Variants in GSDMC observed in about 807,000 individuals in gnomAD.
GSDMC encodes the protein gasdermin-C.
A neutral mutation model predicts 58.0 loss-of-function variants in GSDMC; 59 were observed. The ratio of observed to expected loss-of-function variants is 1.02; its 90% CI spans 0.82 to 1.26. GSDMC has a LOEUF of 1.26. GSDMC is among the 50% of genes most tolerant of loss of function. The pLI is 0.00. For synonymous variants in GSDMC, 241 were observed against 220.2 expected (o/e 1.09, Z -0.83); for missense variants, 659 against 598.5 (o/e 1.10, Z -1.06).
chr8:129,728,701 C>A, the GSDMC span: 1 of 396,584 alleles, frequency 2.5e-6, no homozygotes, highest in Non-Finnish European at 4.8e-6. Flanking sequence ...TGCACCAGCT[C>A]TTACCTATAA....
chr8:129,774,736 C>G (rs1268519182), intron 3 of GSDMC, among the ~76,000 whole-genome samples: 1 of 151,836 alleles, frequency 6.6e-6, no homozygotes, highest in Non-Finnish European at 1.5e-5. Flanking sequence ...AAAACAAAAA[C>G]AAAAATCTTG....
At chr8:129,756,796 C>A (rs1270663543) in intron 6 of GSDMC, among the ~76,000 whole-genome samples, 2 of 151,996 alleles carry the variant, frequency 1.3e-5, no homozygotes, top group African/African-American at 2.4e-5. Flanking sequence ...ACAATATGCT[C>A]CTGAATGACC....
At chr8:129,710,154 G>C in the GSDMC span, among the ~76,000 whole-genome samples, 1 of 152,166 alleles carries the variant, frequency 6.6e-6, no homozygotes, top group Non-Finnish European at 1.5e-5. Flanking sequence ...AATGCAAACA[G>C]TATCTTCCAC....
chr8:129,706,422 A>C, the GSDMC span: 1 of 152,240 alleles, frequency 6.6e-6, no homozygotes, highest in Admixed American at 6.5e-5. Context: ...TTGGCTTTCC[A>C]AACATCACTC....
At chr8:129,722,082 G>A in the GSDMC span, among the ~76,000 whole-genome samples, 3 of 152,148 alleles carry the variant, frequency 2.0e-5, no homozygotes, top group African/African-American at 7.2e-5. Context: ...TTCCTTTATG[G>A]TATTTCTTAA....
the GSDMC span, among the ~76,000 whole-genome samples, chr8:129,733,380 A>G: frequency 1.3e-5 from 2 of 152,198 alleles, no homozygotes; most frequent in Non-Finnish European, 2.9e-5. Flanking sequence ...CCTGACCCCC[A>G]TGTAGCCTAA....
At chr8:129,719,765 T>C in the GSDMC span, among the ~76,000 whole-genome samples, 1 of 152,002 alleles carries the variant, frequency 6.6e-6, no homozygotes, top group Admixed American at 6.6e-5. Context: ...GCCAACATGG[T>C]GAAACCCCGT....
At chr8:129,762,787 A>T (rs2033717863) in intron 4 of GSDMC, 56 bp from the exon 5 acceptor site, 2 of 1,213,640 alleles carry the variant, frequency 1.6e-6, no homozygotes, top group Admixed American at 3.5e-5. Flanking sequence ...TAAAGGTCAG[A>T]TGGCTCTAGA....
chr8:129,735,222 C>T, the GSDMC span, among the ~76,000 whole-genome samples: 1 of 152,096 alleles, frequency 6.6e-6, no homozygotes, highest in African/African-American at 2.4e-5. Flanking sequence ...CTTTAACACC[C>T]CACTGTTAAT....
chr8:129,768,875 T>G (rs1244535909), intron 3 of GSDMC, among the ~76,000 whole-genome samples: 1 of 151,998 alleles, frequency 6.6e-6, no homozygotes, highest in Admixed American at 6.6e-5. Flanking sequence ...TGTCCAGGAG[T>G]TCAAAACCAG....
intron 1 of GSDMC, among the ~76,000 whole-genome samples, chr8:129,779,290 A>C (rs71522554): frequency 6.6e-6 from 1 of 152,156 alleles, no homozygotes; most frequent in East Asian, 1.9e-4. Flanking sequence ...AAAAAAGAAC[A>C]AGATCAAGAA....
At chr8:129,752,462 C>G (rs2033248388) in intron 7 of GSDMC, among the ~76,000 whole-genome samples, 2 of 152,162 alleles carry the variant, frequency 1.3e-5, no homozygotes, top group Non-Finnish European at 2.9e-5. Flanking sequence ...GGAATGTTCT[C>G]TGTGGGTTTG....
At chr8:129,741,051 C>T in the GSDMC span, among the ~76,000 whole-genome samples, 1 of 151,720 alleles carries the variant, frequency 6.6e-6, no homozygotes. Flanking sequence ...CAATTTTATT[C>T]TTCTGAATGT....
Position 129,752,017 on chromosome 8 carries a change from C to T in GSDMC, c.886+89G>A, listed in dbSNP as rs1242895399. The T allele has an allele frequency of 9.5e-6, 14 of 1,472,062 alleles. No homozygotes were observed. The East Asian group carries it at 2.7e-4, about 29-fold the overall frequency. The allele number at this position is 1,472,062 out of a possible 1,614,324, so 91.2% of individuals were successfully genotyped here. On this transcript the variant is annotated intron_variant, in intron 8 of 13. Coordinates refer to ENST00000276708, the MANE Select transcript of GSDMC (RefSeq NM_031415.3). ...TGCCCTTTTCCCCAGAGGCCAGACCCCAAGACTTTGGGTAATAGCACCAAA... is the reference window on the plus strand; with the variant it reads ...TGCCCTTTTCCCCAGAGGCCAGACCTCAAGACTTTGGGTAATAGCACCAAA...
the GSDMC span, chr8:129,730,384 A>G: frequency 8.1e-7 from 1 of 1,238,804 alleles, no homozygotes; most frequent in Admixed American, 2.4e-5. Context: ...GAACTTGTAC[A>G]GTCATTGAAG....
chr8:129,777,672 A>T (rs966732630), intron 1 of GSDMC, 81 bp from the exon 2 acceptor site: 2 of 765,828 alleles, frequency 2.6e-6, no homozygotes, highest in Admixed American at 3.7e-5. Flanking sequence ...TATTTCCCCT[A>T]AAGGAAAAGA....
the GSDMC span, among the ~76,000 whole-genome samples, chr8:129,716,934 T>A: frequency 6.6e-6 from 1 of 152,370 alleles, no homozygotes; most frequent in South Asian, 2.1e-4. Flanking sequence ...GATTTGCATA[T>A]GTTGAAGCAG....
At chr8:129,755,162 T>C (rs1563792520) in intron 6 of GSDMC, among the ~76,000 whole-genome samples, 1 of 152,032 alleles carries the variant, frequency 6.6e-6, no homozygotes, top group East Asian at 1.9e-4. Context: ...TACCTCAAGG[T>C]GTCTCATAAT....
At chr8:129,747,413 G>GA (rs1336687287), downstream of GSDMC, among the ~76,000 whole-genome samples, 2 of 152,144 alleles carry the variant, frequency 1.3e-5, no homozygotes, top group Non-Finnish European at 2.9e-5. Flanking sequence ...TTTTTTAGCA[G>GA]AAAAAAAGTA....
Sources: gnomAD v4.1 joint callset for allele counts (sites outside exome capture counted in the v4.1 genomes callset) on GRCh38, gnomAD v4.1.1 for gene constraint, MANE v1.5 for transcripts, NCBI Gene and HGNC (gene_info 2026-07-23, HGNC 2026-07-21) for gene names.